PCF11: variants seen among roughly 807,000 people sequenced by gnomAD.
PCF11 encodes PCF11 cleavage and polyadenylation factor subunit.
A neutral mutation model predicts 166.1 loss-of-function variants in PCF11; 19 were observed. That is an observed-to-expected ratio of 0.11 (90% CI 0.08 to 0.17). The LOEUF (loss-of-function observed/expected upper bound fraction) is 0.17, where lower values mean the gene tolerates loss of function less well. Ranked by LOEUF, PCF11 falls within the 10% of genes least tolerant of loss-of-function variation. PCF11 has a pLI of 1.00. For synonymous variants in PCF11, 663 were observed against 644.1 expected, an observed-to-expected ratio of 1.03 and a Z score of -0.44; for missense variants, 1,565 against 1,855.5, an observed-to-expected ratio of 0.84 and a Z score of 2.88.
chr11:83,170,063 G>A (rs916775742), intron 8 of PCF11, 68 bp downstream of exon 8: 4 of 1,298,718 alleles, frequency 3.1e-6, no homozygotes, highest in African/African-American at 1.5e-5. Context: ...TTTCTAGGAG[G>A]GTTTTCAGGA....
intron 1 of PCF11, among the ~76,000 whole-genome samples, chr11:83,159,619 T>C (rs1380629886): frequency 6.6e-6 from 1 of 152,208 alleles, no homozygotes; most frequent in Non-Finnish European, 1.5e-5. Context: ...ACACGTTTCC[T>C]GGTTATTTTT....
At chr11:83,180,747 T>G (rs1027166466) in intron 11 of PCF11, 25 of 238,158 alleles carry the variant, frequency 1.0e-4, no homozygotes, top group Non-Finnish European at 2.0e-4. Context: ...ATCATTTCAT[T>G]TTTAGCTAAA....
chr11:83,159,616 T>A (rs1057319354), intron 1 of PCF11, among the ~76,000 whole-genome samples: 1 of 152,224 alleles, frequency 6.6e-6, no homozygotes, highest in African/African-American at 2.4e-5. Flanking sequence ...GGCACACGTT[T>A]CCTGGTTATT....
exon 8 of PCF11, chr11:83,169,947 C>T (rs1265163097): frequency 1.2e-6 from 2 of 1,606,800 alleles, no homozygotes; most frequent in Non-Finnish European, 8.5e-7. Flanking sequence ...GAAACTTTGG[C>T]AATATACCTG....
At chr11:83,184,838 A>G (rs768640095) in exon 16 of PCF11, 1 of 1,592,244 alleles carries the variant, frequency 6.3e-7, no homozygotes, top group East Asian at 2.2e-5. Flanking sequence ...TACAGAGGAA[A>G]GCATAGCAAC....
intron 1 of PCF11, among the ~76,000 whole-genome samples, chr11:83,160,103 G>A (rs936214590): frequency 1.3e-5 from 2 of 152,272 alleles, no homozygotes; most frequent in African/African-American, 4.8e-5. Context: ...TTCATACAAA[G>A]TTATTCAAAG....
Position 83,177,213 on chromosome 11 carries a change from G to A in PCF11, c.3877+9G>A. The stretch of plus-strand genomic sequence containing the variant: ...TGATTCAGCTACAACACGTAAGTGT[G>A]ATTTTATACTTAAATTTACACAAAG... On this transcript the variant is annotated intron_variant, in intron 10 of 15. Coordinates refer to ENST00000298281, the Ensembl canonical transcript of PCF11. 1 of 1,521,510 alleles carries A rather than the reference G, an allele frequency of 6.6e-7. No homozygotes were observed. The highest frequency in any genetic ancestry group is 2.4e-5 in the East Asian group (1 of 40,918). 94.3% of individuals were successfully genotyped at this position (1,521,510 alleles called of 1,614,324 possible).
In PCF11 at chr11:83,168,412, T is replaced by C. The variant is rs1860549661; in HGVS notation, c.2093-16T>C. The C allele has an allele frequency of 6.4e-7, 1 of 1,550,434 alleles. No homozygotes were observed. The highest frequency in any genetic ancestry group is 8.7e-7 in the Non-Finnish European group (1 of 1,151,642). ...AAGATAACTTTAGTGAAAATAATTT[T>C]TTTCCTTTTTAAAAGGTGTGCGAGA... On this transcript the variant is annotated splice_polypyrimidine_tract_variant and intron_variant, in intron 7 of 15. Transcript: ENST00000298281.
exon 16 of PCF11, chr11:83,184,681 A>G (rs1237995040): frequency 3.1e-6 from 5 of 1,607,268 alleles, no homozygotes; most frequent in Non-Finnish European, 3.4e-6. Flanking sequence ...TTTTGTAGAC[A>G]TCTTCATTTG....
chr11:83,180,815 AG>A (rs778476778), intron 11 of PCF11, 192 bp from the exon 12 acceptor site: 185 of 378,840 alleles, frequency 4.9e-4, no homozygotes, highest in Middle Eastern at 2.1e-3. Flanking sequence ...ATCTTCCAAA[AG>A]TCACCAAAGT....
intron 8 of PCF11, chr11:83,171,372 A>G: frequency 2.3e-6 from 1 of 432,126 alleles, no homozygotes; most frequent in South Asian, 1.7e-5. Context: ...TTCTGGCCTC[A>G]GTTTTGCTCC....
exon 8 of PCF11, chr11:83,169,451 T>G: frequency 6.2e-7 from 1 of 1,613,748 alleles, no homozygotes; most frequent in Non-Finnish European, 8.5e-7. Flanking sequence ...GCTTTAAGGT[T>G]TGATGGGCAG....
intron 11 of PCF11, among the ~76,000 whole-genome samples, 193 bp downstream of exon 11, chr11:83,178,012 G>A (rs1283255039): frequency 6.8e-6 from 1 of 148,084 alleles, no homozygotes; most frequent in Non-Finnish European, 1.5e-5. Flanking sequence ...TTTTTAAATC[G>A]TCTTTTAAAA....
At chr11:83,173,573 GTAACTTGTA>G (rs1025750720) in intron 9 of PCF11, among the ~76,000 whole-genome samples, 3 of 147,450 alleles carry the variant, frequency 2.0e-5, no homozygotes, top group African/African-American at 7.5e-5. Context: ...AAAGTACTTT[GTAACTTGTA>G]ACTTGTCAAG....
chr11:83,161,555 T>A, intron 2 of PCF11, 103 bp downstream of exon 2: 1 of 865,504 alleles, frequency 1.2e-6, no homozygotes, highest in South Asian at 2.0e-5. Flanking sequence ...GTGAAATGTT[T>A]TATACTTTTG....
intron 8 of PCF11, 63 bp downstream of exon 8, chr11:83,170,058 A>G: frequency 1.5e-6 from 2 of 1,366,064 alleles, no homozygotes; most frequent in Non-Finnish European, 9.7e-7. Flanking sequence ...TAATGTTTCT[A>G]GGAGGGTTTT....
rs116099331 is a variant in PCF11, at chr11:83,168,850, G to A, written c.2515G>A (p.Gly839Ser). The A allele has an allele frequency of 4.1e-3, 6,662 of 1,613,628 alleles. 222 individuals carry two copies. In the African/African-American group the frequency reaches 0.076, roughly 19 times the overall value. Residue 839 changes from glycine (G) to serine (S), a missense_variant, in exon 8 of 16, where the codon GGT becomes AGT. Transcript: ENST00000298281. The stretch of plus-strand genomic sequence containing the variant: ...ACCTCTGCGGTTTGAGGGCCCAATT[G>A]GTCAAGCAGGAGGAGGTGGTTTTCG...
At chr11:83,165,375 A>G (rs944282258) in intron 4 of PCF11, among the ~76,000 whole-genome samples, 2 of 152,234 alleles carry the variant, frequency 1.3e-5, no homozygotes, top group Non-Finnish European at 2.9e-5. Flanking sequence ...TAGAGATTAT[A>G]TTATAAAGTC....
chr11:83,167,717 A>C lies in PCF11; in HGVS notation c.2092+212A>C, dbSNP rs761019698. 1 of 1,492,506 alleles carries C rather than the reference A, an allele frequency of 6.7e-7. No individual in the cohort carries two copies. Among genetic ancestry groups the C allele is most frequent in the Non-Finnish European group, 8.9e-7 (1 of 1,120,234 alleles). 92.5% of individuals were successfully genotyped at this position (1,492,506 alleles called of 1,614,324 possible). A position where few individuals can be genotyped will look rare whatever the true frequency, so the allele number is the denominator to read the frequency against. Reference sequence around the variant, plus strand: ...TGACTGATGCCTTGTTGTCTGGAATAGAATGTGAGCCATCCAAAAGTAAAC... The same window carrying C: ...TGACTGATGCCTTGTTGTCTGGAATCGAATGTGAGCCATCCAAAAGTAAAC... On this transcript the variant is annotated intron_variant, in intron 7 of 15. Coordinates refer to ENST00000298281, the Ensembl canonical transcript of PCF11. This position sits in a 1 kb window ranked among gnomAD's most constrained non-coding sequence, Gnocchi z 4.2.
Sources: allele counts gnomAD v4.1 joint callset (sites outside exome capture counted in the v4.1 genomes callset), GRCh38; gene constraint gnomAD v4.1.1; non-coding constraint Gnocchi (gnomAD v3.1); transcripts MANE v1.5; gene names NCBI Gene and HGNC (gene_info 2026-07-23, HGNC 2026-07-21).